Variants in XKR9 observed in about 807,000 individuals in gnomAD.
The protein encoded by XKR9 is XK-related protein 9.
XKR9 carries 32 observed loss-of-function variants against 32.0 expected under a neutral mutation model. The observed-to-expected ratio is 1.00, with a 90% CI of 0.76 to 1.34. The LOEUF is 1.34. XKR9 is among the 40% of genes most tolerant of loss of function. The pLI, the probability that XKR9 is intolerant of heterozygous loss-of-function variation, is 0.00. For synonymous variants in XKR9, 168 were observed against 143.4 expected, an observed-to-expected ratio of 1.17 and a Z score of -1.22; for missense variants, 546 against 429.7, an observed-to-expected ratio of 1.27 and a Z score of -2.39.
At chr8:70,775,227 A>G (rs932115093) in intron 2 of XKR9, among the ~76,000 whole-genome samples, 1 of 151,914 alleles carries the variant, frequency 6.6e-6, no homozygotes, top group African/African-American at 2.4e-5. Context: ...TTTTGGGTAA[A>G]TTTTTTGGTA....
the XKR9 span, among the ~76,000 whole-genome samples, chr8:71,030,727 GAACTTA>G: frequency 6.6e-6 from 1 of 152,270 alleles, no homozygotes; most frequent in East Asian, 1.9e-4. Flanking sequence ...GAGGAGAAGA[GAACTTA>G]AGCAAAGATT....
chr8:71,007,291 T>C, the XKR9 span, among the ~76,000 whole-genome samples: 1 of 152,244 alleles, frequency 6.6e-6, no homozygotes, highest in African/African-American at 2.4e-5. Flanking sequence ...ACATTTTAGG[T>C]GATTCAGCAT....
chr8:70,731,925 C>T (rs895606596), intron 4 of XKR9, among the ~76,000 whole-genome samples: 1 of 152,154 alleles, frequency 6.6e-6, no homozygotes, highest in Non-Finnish European at 1.5e-5. Context: ...TCAAGAACTC[C>T]AAGAGTATCT....
chr8:71,028,183 C>T, the XKR9 span, among the ~76,000 whole-genome samples: 1 of 152,174 alleles, frequency 6.6e-6, no homozygotes, highest in Admixed American at 6.5e-5. Flanking sequence ...TTTAATTATT[C>T]TAATCCTTGA....
At chr8:70,854,448 A>C in the XKR9 span, among the ~76,000 whole-genome samples, 1 of 152,124 alleles carries the variant, frequency 6.6e-6, no homozygotes, top group African/African-American at 2.4e-5. Flanking sequence ...GTAGATTGCA[A>C]AAATTTTCTC....
rs1277879388 is a variant in XKR9 at position 70,695,108 on chromosome 8, C to T, written c.273-11825C>T. 4.7e-5 allele frequency among the ~76,000 whole-genome samples: 7 copies of T among 149,160 alleles called. No individual in the cohort carries two copies. In the East Asian group the frequency reaches 9.8e-4, roughly 21 times the overall value. On this transcript the variant is annotated intron_variant, in intron 3 of 4. Transcript: ENST00000408926. Reference sequence around the variant, plus strand: ...TGGCTCTGTGTTGTTCCCAGGTGGCCGTTGTCCTGCCTTGTTTTTCTTTTT... The same window carrying T: ...TGGCTCTGTGTTGTTCCCAGGTGGCTGTTGTCCTGCCTTGTTTTTCTTTTT...
At chr8:70,898,110 A>T in the XKR9 span, among the ~76,000 whole-genome samples, 4 of 152,118 alleles carry the variant, frequency 2.6e-5, no homozygotes, top group Non-Finnish European at 5.9e-5. Context: ...ATAGGGGTCT[A>T]GTTTCATTCT....
intron 2 of XKR9, among the ~76,000 whole-genome samples, chr8:70,773,506 A>C (rs1172196970): frequency 6.6e-6 from 1 of 152,192 alleles, no homozygotes; most frequent in Non-Finnish European, 1.5e-5. Context: ...TGGTTGTTGT[A>C]AAGTGGCCTC....
At chr8:70,732,869 G>A (rs569374400) in intron 4 of XKR9, among the ~76,000 whole-genome samples, 2 of 152,344 alleles carry the variant, frequency 1.3e-5, no homozygotes, top group Non-Finnish European at 2.9e-5. Context: ...TGTAATCCTA[G>A]CCCTTTGGGA....
At chr8:70,809,441 G>A in the XKR9 span, among the ~76,000 whole-genome samples, 4 of 152,206 alleles carry the variant, frequency 2.6e-5, no homozygotes, top group Admixed American at 1.3e-4. Context: ...AAAGCTGGAC[G>A]GAGAATGACT....
chr8:70,787,235 A>C (rs183772956), intron 2 of XKR9, among the ~76,000 whole-genome samples: 2 of 152,226 alleles, frequency 1.3e-5, no homozygotes, highest in East Asian at 3.9e-4. Flanking sequence ...TACAGACAAG[A>C]ATTTTTTTAA....
At chr8:70,964,785 T>C in the XKR9 span, among the ~76,000 whole-genome samples, 1 of 152,106 alleles carries the variant, frequency 6.6e-6, no homozygotes, top group African/African-American at 2.4e-5. Context: ...GTAGCAACTG[T>C]TGCACATTGA....
chr8:70,740,601 C>G (rs1806955401), downstream of XKR9, among the ~76,000 whole-genome samples: 2 of 151,782 alleles, frequency 1.3e-5, no homozygotes, highest in African/African-American at 2.4e-5. Flanking sequence ...GTGGTTTTAT[C>G]TACTTTTGGT....
chr8:70,881,029 C>T, the XKR9 span, among the ~76,000 whole-genome samples: 1 of 152,128 alleles, frequency 6.6e-6, no homozygotes, highest in African/African-American at 2.4e-5. Flanking sequence ...GAAAAGATTC[C>T]CTATTTAATA....
chr8:70,777,506 G>A (rs191880753), intron 2 of XKR9, among the ~76,000 whole-genome samples: 23 of 152,218 alleles, frequency 1.5e-4, no homozygotes, highest in African/African-American at 5.3e-4. Flanking sequence ...GGTATTTCTA[G>A]TTCTAGATCC....
chr8:70,913,283 C>A, the XKR9 span, among the ~76,000 whole-genome samples: 1 of 152,070 alleles, frequency 6.6e-6, no homozygotes, highest in South Asian at 2.1e-4. Flanking sequence ...TGTTGAAAAT[C>A]TATTCTCAGA....
the XKR9 span, among the ~76,000 whole-genome samples, chr8:70,850,293 C>T: frequency 1.3e-3 from 193 of 151,808 alleles, 1 homozygote; most frequent in African/African-American, 4.5e-3. Flanking sequence ...AACCCTGACT[C>T]TACTAAAAAT....
the XKR9 span, among the ~76,000 whole-genome samples, chr8:70,877,241 A>C: frequency 6.6e-6 from 1 of 152,120 alleles, no homozygotes; most frequent in Non-Finnish European, 1.5e-5. Context: ...TGATTCATTT[A>C]TCTCCACCTG....
rs575934294 is a variant in XKR9 at position 70,724,619 on chromosome 8, G to A, written c.494-9177G>A. ...GCACAGTCCCTCACGGCTTCCCTTG[G>A]CTAGGGGAGGGAGGTCCCTGGCCCC... On this transcript the variant is annotated intron_variant, in intron 4 of 4. Transcript: ENST00000408926. Among the ~76,000 whole-genome samples the A allele has an allele frequency of 2.4e-4, 36 of 152,214 alleles. No homozygotes were observed. In the South Asian group the frequency reaches 7.5e-3, roughly 32 times the overall value.
Sources: gnomAD v4.1 joint callset for allele counts (sites outside exome capture counted in the v4.1 genomes callset) on GRCh38, gnomAD v4.1.1 for gene constraint, MANE v1.5 for transcripts, NCBI Gene and HGNC (gene_info 2026-07-23, HGNC 2026-07-21) for gene names.